C14orf132: variants seen among roughly 807,000 people sequenced by gnomAD.
C14orf132 encodes the protein uncharacterized protein C14orf132.
In C14orf132, 6 loss-of-function variants were observed where a neutral mutation model predicts 5.8. The ratio of observed to expected loss-of-function variants is 1.03; its 90% CI spans 0.57 to 2.04. The LOEUF (loss-of-function observed/expected upper bound fraction) is 2.04. C14orf132 is among the 30% of genes most tolerant of loss of function. The pLI, the probability that C14orf132 is intolerant of heterozygous loss-of-function variation, is 0.00. For missense variants in C14orf132, 125 were observed against 115.8 expected, an observed-to-expected ratio of 1.08 and a Z score of -0.37; for synonymous variants, 51 against 49.8, an observed-to-expected ratio of 1.02 and a Z score of -0.10.
chr14:96,083,849 C>T (rs777675145), intron 1 of C14orf132, among the ~76,000 whole-genome samples: 12 of 152,158 alleles, frequency 7.9e-5, no homozygotes, highest in Non-Finnish European at 1.6e-4. Flanking sequence ...AAATACCTGC[C>T]GGGAGGCAGA....
rs1888470584 is a variant in C14orf132 at position 96,093,172 on chromosome 14, A to T, written c.*6437A>T. 1 of 152,100 alleles carries T rather than the reference A, an allele frequency of 6.6e-6. No individual in the cohort carries two copies. Among genetic ancestry groups the T allele is most frequent in the Non-Finnish European group, 1.5e-5 (1 of 68,044 alleles). 9.4% of individuals were successfully genotyped at this position (152,100 alleles called of 1,614,324 possible). On this transcript the variant is annotated 3_prime_UTR_variant, in exon 2 of 2. Transcript: ENST00000555004. Reference sequence around the variant, plus strand: ...AGTGATCTGCAACTCCCAGCATGTCATGTGGTCTCTTAGAAATCCATGTGA... The same window carrying T: ...AGTGATCTGCAACTCCCAGCATGTCTTGTGGTCTCTTAGAAATCCATGTGA...
chr14:96,058,652 G>A (rs948323276), intron 1 of C14orf132, among the ~76,000 whole-genome samples: 3 of 152,150 alleles, frequency 2.0e-5, no homozygotes, highest in African/African-American at 7.2e-5. Context: ...ATGCATCCAC[G>A]AGTCTGTGCC....
Position 96,039,425 on chromosome 14 carries a change from C to T in C14orf132, c.-76C>T, listed in dbSNP as rs1014995273. The T allele has an allele frequency of 7.1e-7, 1 of 1,409,844 alleles. No homozygotes were observed. The highest frequency in any genetic ancestry group is 1.5e-5 in the African/African-American group (1 of 67,586). 87.3% of individuals were successfully genotyped at this position (1,409,844 alleles called of 1,614,324 possible). ...GGACGCTCGCTGCTCAGCCCGATCCCCGCCAACTGTGCAGGCGGCTGACCC... is the reference window on the plus strand; with the variant it reads ...GGACGCTCGCTGCTCAGCCCGATCCTCGCCAACTGTGCAGGCGGCTGACCC... On this transcript the variant is annotated 5_prime_UTR_variant, in exon 1 of 2. Transcript: ENST00000555004. The surrounding 1 kb of genome is among the most constrained non-coding windows in gnomAD (Gnocchi z 5.3).
At chr14:96,056,584 A>T (rs1050396887) in intron 1 of C14orf132, among the ~76,000 whole-genome samples, 1 of 152,120 alleles carries the variant, frequency 6.6e-6, no homozygotes, top group Non-Finnish European at 1.5e-5. Flanking sequence ...TAAAGTGGGG[A>T]TAATGACCTC....
chr14:96,074,262 T>C (rs1432758596), intron 1 of C14orf132, among the ~76,000 whole-genome samples: 1 of 152,262 alleles, frequency 6.6e-6, no homozygotes, highest in Admixed American at 6.5e-5. Context: ...ATTCTACTTA[T>C]AAGTTCTTTG....
chr14:96,067,590 T>G (rs909304836), intron 1 of C14orf132, among the ~76,000 whole-genome samples: 5 of 151,636 alleles, frequency 3.3e-5, no homozygotes, highest in Non-Finnish European at 5.9e-5. Context: ...TCCCAGCTAC[T>G]CGGGAGGCTG....
chr14:96,061,352 T>A (rs1036412261), intron 1 of C14orf132, among the ~76,000 whole-genome samples: 8 of 152,018 alleles, frequency 5.3e-5, no homozygotes, highest in African/African-American at 1.9e-4. Context: ...CCTGTTGGAG[T>A]AGCTGGGGTT....
chr14:96,057,822 C>A (rs773013815), intron 1 of C14orf132, among the ~76,000 whole-genome samples: 2 of 152,168 alleles, frequency 1.3e-5, no homozygotes, highest in Non-Finnish European at 2.9e-5. Context: ...AAGCTCAACT[C>A]CACCCCTGGA....
intron 1 of C14orf132, among the ~76,000 whole-genome samples, chr14:96,056,633 G>A (rs912936438): frequency 6.6e-6 from 1 of 152,176 alleles, no homozygotes; most frequent in Non-Finnish European, 1.5e-5. Flanking sequence ...GTAAGGCCAT[G>A]TGTGTGCAGA....
chr14:96,086,195 C>G (rs751504783), intron 1 of C14orf132, among the ~76,000 whole-genome samples: 9 of 152,000 alleles, frequency 5.9e-5, no homozygotes, highest in African/African-American at 1.2e-4. Context: ...TATGGAGGAG[C>G]CTGGCATGGG....
chr14:96,039,417 C>A lies in C14orf132; in HGVS notation c.-84C>A. ...CGGTCTCCGGACGCTCGCTGCTCAG[C>A]CCGATCCCCGCCAACTGTGCAGGCG... is the stretch of plus-strand genomic sequence containing the variant. On this transcript the variant is annotated 5_prime_UTR_variant, in exon 1 of 2. Coordinates refer to ENST00000555004, the MANE Select transcript of C14orf132 (RefSeq NM_001252507.3). This position sits in a 1 kb window ranked among gnomAD's most constrained non-coding sequence, Gnocchi z 5.3. 2 of 1,372,146 alleles carry A rather than the reference C, an allele frequency of 1.5e-6. No individual in the cohort carries two copies. The highest frequency in any genetic ancestry group is 1.9e-6 in the Non-Finnish European group (2 of 1,044,850). 85.0% of individuals were successfully genotyped at this position (1,372,146 alleles called of 1,614,324 possible).
chr14:96,058,720 CAG>C (rs1286280666), intron 1 of C14orf132, among the ~76,000 whole-genome samples: 2 of 152,286 alleles, frequency 1.3e-5, no homozygotes, highest in East Asian at 3.9e-4. Flanking sequence ...GCATCTCAAA[CAG>C]AGAATGGGAA....
intron 1 of C14orf132, among the ~76,000 whole-genome samples, chr14:96,082,816 C>T (rs115919073): frequency 0.011 from 1,642 of 152,298 alleles, 30 homozygotes; most frequent in African/African-American, 0.037. Context: ...TGTCTTGGGC[C>T]ATGCTTTCTT....
chr14:96,060,346 C>T (rs12432584), intron 1 of C14orf132, among the ~76,000 whole-genome samples: 2,966 of 152,244 alleles, frequency 0.019, 114 homozygotes, highest in East Asian at 0.17. Flanking sequence ...GCAAAGGTGA[C>T]CCCCTACAGC....
rs1887268786 is a variant in C14orf132 at position 96,059,098 on chromosome 14, C to T, written c.27+19571C>T. Among the ~76,000 whole-genome samples, 3 of 152,116 alleles carry T rather than the reference C, an allele frequency of 2.0e-5. 1 individual carries two copies. Among genetic ancestry groups the T allele is most frequent in the South Asian group, 4.1e-4 (2 of 4,822 alleles). On this transcript the variant is annotated intron_variant, in intron 1 of 1. Coordinates refer to ENST00000555004, the MANE Select transcript of C14orf132 (RefSeq NM_001252507.3). ...GCAACATAGTGAGACTCTGTCTCTACAAAAACTACAAAAAAGTTAGCCAAG... is the reference window on the plus strand; with the variant it reads ...GCAACATAGTGAGACTCTGTCTCTATAAAAACTACAAAAAAGTTAGCCAAG...
intron 1 of C14orf132, among the ~76,000 whole-genome samples, chr14:96,066,858 T>A (rs538025114): frequency 6.6e-6 from 1 of 152,284 alleles, no homozygotes; most frequent in East Asian, 1.9e-4. Flanking sequence ...ATTTTGTCAG[T>A]TCTAGGAATA....
At chr14:96,065,473 G>A (rs559327912) in intron 1 of C14orf132, among the ~76,000 whole-genome samples, 51 of 152,072 alleles carry the variant, frequency 3.4e-4, no homozygotes, top group South Asian at 8.3e-4. Flanking sequence ...CCCGGCCGCC[G>A]CTTCACTCCA....
At chr14:96,071,571 G>T (rs530669540) in intron 1 of C14orf132, among the ~76,000 whole-genome samples, 21 of 152,280 alleles carry the variant, frequency 1.4e-4, no homozygotes, top group African/African-American at 4.6e-4. Context: ...CAATTAAGCC[G>T]TGAACACACA....
chr14:96,051,757 T>C (rs1887033833), intron 1 of C14orf132, among the ~76,000 whole-genome samples: 1 of 152,154 alleles, frequency 6.6e-6, no homozygotes, highest in Non-Finnish European at 1.5e-5. Flanking sequence ...CGTATCCCAA[T>C]AATCAAATCA....
Sources: allele counts gnomAD v4.1 joint callset (sites outside exome capture counted in the v4.1 genomes callset), GRCh38; gene constraint gnomAD v4.1.1; non-coding constraint Gnocchi (gnomAD v3.1); transcripts MANE v1.5; gene names NCBI Gene and HGNC (gene_info 2026-07-23, HGNC 2026-07-21).